Variants in PXMP2 observed in about 807,000 individuals in gnomAD.
PXMP2 encodes peroxisomal membrane protein 2, also known as 22 kDa peroxisomal membrane protein.
Under a neutral mutation model 20.2 loss-of-function variants are expected in PXMP2, and 13 were observed. The ratio of observed to expected loss-of-function variants is 0.64; its 90% CI spans 0.42 to 1.02. The LOEUF (loss-of-function observed/expected upper bound fraction) is 1.02, where lower values mean the gene tolerates loss of function less well. PXMP2 is among the 50% of genes least tolerant of loss of function. PXMP2 has a pLI of 0.00. For missense variants in PXMP2, 284 were observed against 251.8 expected (o/e 1.13, Z -0.87); for synonymous variants, 113 against 111.2 (o/e 1.02, Z -0.10).
At chr12:132,701,425 C>G in intron 4 of PXMP2, 56 bp downstream of exon 4, 1 of 1,587,748 alleles carries the variant, frequency 6.3e-7, no homozygotes. Context: ...CTTTTCCTTC[C>G]TTCCTTCCTT....
At chr12:132,699,007 T>C (rs1198805664) in intron 3 of PXMP2, among the ~76,000 whole-genome samples, 1 of 152,266 alleles carries the variant, frequency 6.6e-6, no homozygotes, top group Non-Finnish European at 1.5e-5. Context: ...AGATTTCTTA[T>C]GTGACTGTGC....
At chr12:132,689,873 G>C (rs1027595228) in intron 1 of PXMP2, among the ~76,000 whole-genome samples, 2 of 152,160 alleles carry the variant, frequency 1.3e-5, no homozygotes, top group Non-Finnish European at 2.9e-5. Context: ...TTTTCTTGTA[G>C]CTGTATCTGT....
At chr12:132,687,994 G>A in intron 1 of PXMP2, 1 of 391,012 alleles carries the variant, frequency 2.6e-6, no homozygotes, top group Non-Finnish European at 3.7e-6. Flanking sequence ...GGCGCCTTGC[G>A]GATCCCGCCC....
At position 132,702,552 on chromosome 12, in the gene PXMP2, C is replaced by T. The variant is rs770451539; in HGVS notation, c.519+1183C>T. ...AGAGCCTGCAGGGGCCACGTGCTTCCCTCCCCCAGAAGGTATGCCGCCCAT... is the reference window on the plus strand; with the variant it reads ...AGAGCCTGCAGGGGCCACGTGCTTCTCTCCCCCAGAAGGTATGCCGCCCAT... On this transcript the variant is annotated intron_variant, in intron 4 of 4. Coordinates refer to ENST00000317479, the MANE Select transcript of PXMP2 (RefSeq NM_018663.3). 3 of 302,206 alleles carry T rather than the reference C, an allele frequency of 9.9e-6. No homozygotes were observed. In the Middle Eastern group the frequency reaches 1.2e-3, roughly 124 times the overall value. The allele number at this position is 302,206 out of a possible 1,614,324, so 18.7% of individuals were successfully genotyped here.
At chr12:132,688,217 C>A (rs1340271728) in intron 1 of PXMP2, 1 of 165,416 alleles carries the variant, frequency 6.0e-6, no homozygotes, top group South Asian at 8.0e-5. Flanking sequence ...GAAGACAGGG[C>A]GAGGGGAGCG....
chr12:132,689,480 C>T (rs2043354543), intron 1 of PXMP2, among the ~76,000 whole-genome samples: 1 of 152,150 alleles, frequency 6.6e-6, no homozygotes, highest in East Asian at 1.9e-4. Context: ...GCAGCTTGGA[C>T]TCAGTCCCGA....
Sources: allele counts gnomAD v4.1 joint callset (sites outside exome capture counted in the v4.1 genomes callset), GRCh38; gene constraint gnomAD v4.1.1; transcripts MANE v1.5; gene names NCBI Gene and HGNC (gene_info 2026-07-23, HGNC 2026-07-21).